MPPED1: variants seen among roughly 807,000 people sequenced by gnomAD.
The protein encoded by MPPED1 is metallophosphoesterase domain containing 1.
MPPED1 carries 16 observed loss-of-function variants against 36.2 expected under a neutral mutation model. The ratio of observed to expected loss-of-function variants is 0.44; its 90% CI spans 0.30 to 0.67. The LOEUF (loss-of-function observed/expected upper bound fraction) is 0.67, where lower values mean the gene tolerates loss of function less well. Ranked by LOEUF, MPPED1 falls within the 30% of genes least tolerant of loss-of-function variation. The pLI is 0.10. For synonymous variants in MPPED1, 199 were observed against 191.3 expected (o/e 1.04, Z -0.33); for missense variants, 307 against 453.4 (o/e 0.68, Z 2.93).
At chr22:43,414,985 C>A (rs887859889) in intron 1 of MPPED1, among the ~76,000 whole-genome samples, 2 of 152,018 alleles carry the variant, frequency 1.3e-5, no homozygotes, top group African/African-American at 2.4e-5. Flanking sequence ...GGCGCCTCAC[C>A]CTCTAGGACC....
At chr22:43,450,290 G>T (rs1930518072) in intron 3 of MPPED1, among the ~76,000 whole-genome samples, 1 of 152,228 alleles carries the variant, frequency 6.6e-6, no homozygotes, top group Non-Finnish European at 1.5e-5. Context: ...TCCCGGTCCT[G>T]CCTGGCCACA....
At chr22:43,455,906 C>T (rs1373216735) in intron 3 of MPPED1, among the ~76,000 whole-genome samples, 1 of 152,178 alleles carries the variant, frequency 6.6e-6, no homozygotes, top group Non-Finnish European at 1.5e-5. Context: ...AGAAATGTAT[C>T]CTTTCACTGC....
At chr22:43,430,401 G>A (rs552335960) in intron 2 of MPPED1, among the ~76,000 whole-genome samples, 2 of 152,306 alleles carry the variant, frequency 1.3e-5, no homozygotes, top group East Asian at 3.9e-4. Flanking sequence ...TGACAAAGAG[G>A]GAGTGGCTTG....
intron 5 of MPPED1, 68 bp downstream of exon 5, chr22:43,498,418 G>T (rs1404834727): frequency 7.7e-7 from 1 of 1,299,050 alleles, no homozygotes; most frequent in Non-Finnish European, 1.1e-6. Flanking sequence ...TGGGATGGGG[G>T]GCTGGCTGGG....
At chr22:43,430,744 G>T (rs135077) in intron 2 of MPPED1, among the ~76,000 whole-genome samples, 130,784 of 149,586 alleles carry the variant, frequency 0.87, 57,396 homozygotes, top group Middle Eastern at 0.98. Context: ...CTTTTTTTTT[G>T]GGGGGGAGTC....
In MPPED1 at chr22:43,423,328, G is replaced by A. The variant is rs181303765; in HGVS notation, c.-78-1580G>A. Among the ~76,000 whole-genome samples the A allele has an allele frequency of 2.0e-5, 3 of 152,310 alleles. No homozygotes were observed. In the East Asian group the frequency reaches 5.8e-4, roughly 29 times the overall value. On this transcript the variant is annotated intron_variant, in intron 1 of 6. Transcript: ENST00000443721. Reference sequence around the variant, plus strand: ...CCCTTTCCCAGGCCTTCTGGGTGCCGGGCAGCAGTTACAGACAAGAGGGGT... The same window carrying A: ...CCCTTTCCCAGGCCTTCTGGGTGCCAGGCAGCAGTTACAGACAAGAGGGGT...
intron 4 of MPPED1, 95 bp from the exon 5 acceptor site, chr22:43,498,140 C>G: frequency 1.0e-6 from 1 of 957,434 alleles, no homozygotes; most frequent in Admixed American, 2.3e-5. Context: ...CGAGCTGGTC[C>G]TGAGGGCCCC....
intron 3 of MPPED1, among the ~76,000 whole-genome samples, chr22:43,443,250 G>A (rs1930215766): frequency 1.3e-5 from 2 of 152,192 alleles, no homozygotes; most frequent in South Asian, 4.1e-4. Flanking sequence ...GGTGATCCTG[G>A]GCCGCTGACC....
rs201047670 is a variant in MPPED1 at position 43,491,779 on chromosome 22, AGGT to A, written c.633-6449_633-6447del. Among the ~76,000 whole-genome samples the A allele has an allele frequency of 5.1e-3, 500 of 98,712 alleles. 8 individuals carry two copies. In the East Asian group the frequency reaches 0.062, roughly 12 times the overall value. The allele number at this position is 98,712 out of a possible 152,430, so 64.8% of individuals were successfully genotyped here. On this transcript the variant is annotated intron_variant, in intron 4 of 6. Transcript: ENST00000443721. ...GTAGTGGTGATGGAGGTGGTAATGG[AGGT>A]GGTGGTAATGATTGAGGTGGTGGTG...
intron 4 of MPPED1, among the ~76,000 whole-genome samples, chr22:43,478,312 C>T (rs1317185704): frequency 1.3e-5 from 2 of 152,120 alleles, no homozygotes; most frequent in Non-Finnish European, 2.9e-5. Flanking sequence ...TATCCTCATG[C>T]CCTCAGGAAT....
intron 3 of MPPED1, among the ~76,000 whole-genome samples, chr22:43,451,831 C>G (rs866344561): frequency 2.0e-5 from 3 of 152,176 alleles, no homozygotes; most frequent in Admixed American, 6.5e-5. Context: ...GGCTCCACCC[C>G]TCCCCTTTGT....
chr22:43,463,819 C>CTTTTTTT lies in MPPED1; in HGVS notation c.407-10914_407-10913insTTTTTTT, dbSNP rs1480549521. ...TTTTCATTTTTTCTTTTCTTTCTTTCTTTCTTTCTTTCTTTCTTTCTTTCT... is the reference window on the plus strand; with the variant it reads ...TTTTCATTTTTTCTTTTCTTTCTTTCTTTTTTTTTTCTTTCTTTCTTTCTTTCTTTCT... On this transcript the variant is annotated intron_variant, in intron 3 of 6. Transcript: ENST00000443721. Among the ~76,000 whole-genome samples the CTTTTTTT allele has an allele frequency of 3.5e-3, 292 of 83,506 alleles. 12 individuals are homozygous for CTTTTTTT. The highest frequency in any genetic ancestry group is 6.2e-3 in the Middle Eastern group (1 of 162). The allele number at this position is 83,506 out of a possible 152,430, so 54.8% of individuals were successfully genotyped here.
chr22:43,447,526 G>C (rs549621852), intron 3 of MPPED1, among the ~76,000 whole-genome samples: 4 of 152,066 alleles, frequency 2.6e-5, no homozygotes, highest in African/African-American at 9.6e-5. Context: ...CCTGCACTCA[G>C]CATAAACGTT....
At chr22:43,479,414 C>G (rs565322904) in intron 4 of MPPED1, among the ~76,000 whole-genome samples, 1 of 152,224 alleles carries the variant, frequency 6.6e-6, no homozygotes, top group South Asian at 2.1e-4. Flanking sequence ...GAGGGGCAGA[C>G]GTGTTCACCA....
At chr22:43,424,692 T>G (rs887315871) in intron 1 of MPPED1, among the ~76,000 whole-genome samples, 4 of 152,240 alleles carry the variant, frequency 2.6e-5, no homozygotes, top group African/African-American at 9.6e-5. Context: ...TTTTCTTTTT[T>G]TTCTTGTCCC....
chr22:43,495,757 G>A (rs1375216334), intron 4 of MPPED1, among the ~76,000 whole-genome samples: 2 of 34,906 alleles, frequency 5.7e-5, no homozygotes, highest in Non-Finnish European at 4.4e-5. Context: ...TGGTGGAGAT[G>A]GTGGTGGTGG....
At chr22:43,447,883 A>ATATATATATT (rs1321289636) in intron 3 of MPPED1, among the ~76,000 whole-genome samples, 1,452 of 67,642 alleles carry the variant, frequency 0.021, 51 homozygotes, top group Admixed American at 0.036. Flanking sequence ...ATATATATAT[A>ATATATATATT]TTTTTTTTTT....
intron 4 of MPPED1, among the ~76,000 whole-genome samples, chr22:43,477,606 A>C (rs1318402368): frequency 2.0e-5 from 3 of 152,184 alleles, no homozygotes; most frequent in Non-Finnish European, 4.4e-5. Context: ...ACCTGGTCTC[A>C]TCTTGCCACG....
chr22:43,473,232 C>T (rs2146883094), intron 3 of MPPED1, among the ~76,000 whole-genome samples: 1 of 152,002 alleles, frequency 6.6e-6, no homozygotes, highest in Admixed American at 6.5e-5. Flanking sequence ...CTGGGCATTG[C>T]CCCGGGAGGG....
Sources: allele counts gnomAD v4.1 joint callset (sites outside exome capture counted in the v4.1 genomes callset), GRCh38; gene constraint gnomAD v4.1.1; transcripts MANE v1.5; gene names NCBI Gene and HGNC (gene_info 2026-07-23, HGNC 2026-07-21).